Variants in ZNF761 observed in about 807,000 individuals in gnomAD.
ZNF761 encodes zinc finger protein 761.
Under a neutral mutation model 59.9 loss-of-function variants are expected in ZNF761, and 43 were observed. The observed-to-expected ratio is 0.72, with a 90% CI of 0.56 to 0.92. ZNF761 has a LOEUF of 0.92. Ranked by LOEUF, ZNF761 falls within the 40% of genes least tolerant of loss-of-function variation. ZNF761 has a pLI of 0.00. For synonymous variants in ZNF761, 294 were observed against 304.8 expected, an observed-to-expected ratio of 0.96 and a Z score of 0.37; for missense variants, 850 against 906.1, an observed-to-expected ratio of 0.94 and a Z score of 0.79.
intron 3 of ZNF761, among the ~76,000 whole-genome samples, chr19:53,448,909 A>G (rs939214400): frequency 7.9e-5 from 12 of 151,870 alleles, no homozygotes; most frequent in African/African-American, 2.9e-4. Context: ...TGTAGCTGGG[A>G]TAACAGGCAT....
chr19:53,441,906 A>G lies in ZNF761; in HGVS notation c.-184-4321A>G, dbSNP rs141373713. On this transcript the variant is annotated intron_variant, in intron 1 of 4. Transcript: ENST00000684525. ...ATCGAGGCAGTGAAGCGCAAGATCC[A>G]GGTTCTGCAGCACCAGGCAGATGAT... The G allele has an allele frequency of 5.0e-3, 7,880 of 1,570,444 alleles. 370 individuals carry two copies. In the African/African-American group the frequency reaches 0.094, roughly 19 times the overall value.
At chr19:53,447,916 C>T (rs1230933971) in intron 3 of ZNF761, among the ~76,000 whole-genome samples, 8 of 152,194 alleles carry the variant, frequency 5.3e-5, no homozygotes, top group Admixed American at 2.0e-4. Context: ...ACATTACGCT[C>T]ATGGAGACTG....
chr19:53,436,228 A>G (rs1345421047), intron 1 of ZNF761, among the ~76,000 whole-genome samples: 1 of 152,210 alleles, frequency 6.6e-6, no homozygotes, highest in African/African-American at 2.4e-5. Context: ...GGCCCATCCT[A>G]TATGAGTCCT....
chr19:53,433,820 T>C (rs2708784), intron 1 of ZNF761, among the ~76,000 whole-genome samples: 1 of 152,052 alleles, frequency 6.6e-6, no homozygotes, highest in Non-Finnish European at 1.5e-5. Context: ...GTTTTGAATC[T>C]ACTGAAGGAG....
intron 1 of ZNF761, 149 bp downstream of exon 1, chr19:53,432,177 G>A (rs1411669581): frequency 2.0e-5 from 3 of 152,406 alleles, no homozygotes; most frequent in African/African-American, 2.4e-5. Flanking sequence ...GAGGCCGTGG[G>A]TCGGTTCCTT....
chr19:53,449,031 G>A (rs1196371453), intron 3 of ZNF761, among the ~76,000 whole-genome samples: 2 of 152,262 alleles, frequency 1.3e-5, no homozygotes, highest in East Asian at 1.9e-4. Flanking sequence ...GTCACTTGCT[G>A]TGTCAATAAA....
chr19:53,454,790 C>G lies in ZNF761; in HGVS notation c.283C>G (p.His95Asp), dbSNP rs1440702548. Residue 95 changes from histidine (H) to aspartate (D), a missense_variant, in exon 5 of 5, where the codon CAT (histidine) becomes GAT (aspartate). By Grantham distance (81) the His-to-Asp change is moderately conservative (BLOSUM62 -1). Transcript: ENST00000684525. ...CTACCAGGATGTTGATAAAGATATTCATGACTATGAATTTCAATGGCAAGA... is the reference window on the plus strand; with the variant it reads ...CTACCAGGATGTTGATAAAGATATTGATGACTATGAATTTCAATGGCAAGA... ...FCYQDVDKDI[H>D]DYEFQWQEDE... The G allele has an allele frequency of 6.2e-7, 1 of 1,614,038 alleles. No individual in the cohort carries two copies. The highest frequency in any genetic ancestry group is 1.3e-5 in the African/African-American group (1 of 74,994).
In ZNF761 at chr19:53,449,500, T is replaced by C; in HGVS notation, c.16-12T>C. The C allele has an allele frequency of 1.2e-6, 2 of 1,614,004 alleles. No individual in the cohort carries two copies. Among genetic ancestry groups the C allele is most frequent in the Non-Finnish European group, 8.5e-7 (1 of 1,180,006 alleles). The stretch of plus-strand genomic sequence containing the variant: ...CTCATAACCATTTGGTTAAAATGTG[T>C]TTTCATTTCAGGGTCTATTGACATT... On this transcript the variant is annotated splice_polypyrimidine_tract_variant and intron_variant, in intron 3 of 4. Transcript: ENST00000684525.
chr19:53,455,040 A>G lies in ZNF761; in HGVS notation c.533A>G (p.Gln178Arg), dbSNP rs2086253254. Residue 178 changes from glutamine to arginine, a missense_variant, in exon 5 of 5, where the codon CAA becomes CGA. Gln to Arg is a conservative substitution (Grantham distance 43). Coordinates refer to ENST00000684525, the MANE Select transcript of ZNF761 (RefSeq NM_001289951.2). ...GATGCTTCCTTGGTTTCAACAGCCC[A>G]AAGAATTTCTTGTAGGCCCAAAACC... ...VHDASLVSTA[Q>R]RISCRPKTHI... 2 of 1,614,176 alleles carry G rather than the reference A, an allele frequency of 1.2e-6. No individual in the cohort carries two copies. The highest frequency in any genetic ancestry group is 1.7e-6 in the Non-Finnish European group (2 of 1,180,024).
rs1600092505 is a variant in ZNF761, at chr19:53,447,267, G to A, written c.-2G>A. ...AGGAAGAGGAGAGCAAAGGAGTCAG[G>A]GATGGCTTTTTCTCAGGTGAGATGA... On this transcript the variant is annotated 5_prime_UTR_variant, in exon 3 of 5. Transcript: ENST00000684525. The A allele has an allele frequency of 8.7e-6, 14 of 1,613,020 alleles. No individual in the cohort carries two copies. In the East Asian group the frequency reaches 2.9e-4, roughly 33 times the overall value.
rs1009201360 is a variant in ZNF761, at chr19:53,457,941, A to G, written c.*1193A>G. ...CAATATTAATTTTTCCAAGCTATCAATATGGGTTGTAGCTCAATGTTTTTA... is the reference window on the plus strand; with the variant it reads ...CAATATTAATTTTTCCAAGCTATCAGTATGGGTTGTAGCTCAATGTTTTTA... On this transcript the variant is annotated 3_prime_UTR_variant, in exon 5 of 5. Transcript: ENST00000684525. 6.6e-6 allele frequency: 1 copy of G among 152,528 alleles called. No homozygotes were observed. The highest frequency in any genetic ancestry group is 6.5e-5 in the Admixed American group (1 of 15,288). The allele number at this position is 152,528 out of a possible 1,614,324, so 9.4% of individuals were successfully genotyped here. A position where few individuals can be genotyped will look rare whatever the true frequency, so the allele number is the denominator to read the frequency against.
Position 53,457,309 on chromosome 19 carries a change from G to A in ZNF761, c.*561G>A, listed in dbSNP as rs779045694. 7 of 385,604 alleles carry A rather than the reference G, an allele frequency of 1.8e-5. No individual in the cohort carries two copies. Among genetic ancestry groups the A allele is most frequent in the Admixed American group, 3.4e-5 (1 of 29,664 alleles). The allele number at this position is 385,604 out of a possible 1,614,324, so 23.9% of individuals were successfully genotyped here. A position where few individuals can be genotyped will look rare whatever the true frequency, so the allele number is the denominator to read the frequency against. ...CTTGCAGTTCATCGGTGAACTCAAC[G>A]CTGGAGAGAAACCTTACAAATGTCA... On this transcript the variant is annotated 3_prime_UTR_variant, in exon 5 of 5. Coordinates refer to ENST00000684525, the MANE Select transcript of ZNF761 (RefSeq NM_001289951.2).
chr19:53,454,675 G>C lies in ZNF761; in HGVS notation c.168G>C (p.Lys56Asn). The C allele has an allele frequency of 6.2e-7, 1 of 1,602,572 alleles. No individual in the cohort carries two copies. The change falls in exon 5 of 5, where the codon AAG becomes AAC. Residue 56 changes from lysine to asparagine, a missense_variant. Coordinates refer to ENST00000684525, the MANE Select transcript of ZNF761 (RefSeq NM_001289951.2). ...SLDISSKCTM[K>N]EFLSTAQGNR... is the part of the protein sequence containing the mutation. Reference sequence around the variant, plus strand: ...ATATCTCTTCCAAATGCACGATGAAGGAGTTCTTGTCAACAGCGCAAGGCA... The same window carrying C: ...ATATCTCTTCCAAATGCACGATGAACGAGTTCTTGTCAACAGCGCAAGGCA...
At position 53,454,757 on chromosome 19, in the gene ZNF761, G is replaced by T. The variant is rs749493648; in HGVS notation, c.250G>T (p.Asp84Tyr). Residue 84 changes from aspartate to tyrosine, a missense_variant, in exon 5 of 5, where the codon GAT (aspartate) becomes TAT (tyrosine). By Grantham distance (160) the Asp-to-Tyr change is radical. Transcript: ENST00000684525. ...AATACATGAAAGTCATCACAATGGA[G>T]ATTTTTGCTACCAGGATGTTGATAA... ...LQIHESHHNG[D>Y]FCYQDVDKDI... 6.2e-7 allele frequency: 1 copy of T among 1,614,092 alleles called. No individual in the cohort carries two copies. The highest frequency in any genetic ancestry group is 8.5e-7 in the Non-Finnish European group (1 of 1,180,014).
At chr19:53,436,325 T>C (rs1226536136) in intron 1 of ZNF761, among the ~76,000 whole-genome samples, 1 of 152,236 alleles carries the variant, frequency 6.6e-6, no homozygotes, top group African/African-American at 2.4e-5. Flanking sequence ...TAGGCATTCT[T>C]TCTTGTATTC....
intron 1 of ZNF761, chr19:53,441,751 A>G: frequency 8.9e-6 from 7 of 786,770 alleles, no homozygotes; most frequent in Admixed American, 2.1e-5. Flanking sequence ...CCCGGCTGAG[A>G]TAAATCTTAG....
intron 1 of ZNF761, among the ~76,000 whole-genome samples, chr19:53,433,085 A>G (rs904093761): frequency 6.8e-6 from 1 of 147,962 alleles, no homozygotes; most frequent in Non-Finnish European, 1.5e-5. Flanking sequence ...CGGGGAGAGC[A>G]AAGGAGGCGC....
intron 1 of ZNF761, among the ~76,000 whole-genome samples, chr19:53,437,521 TG>T (rs758343088): frequency 1.3e-5 from 2 of 152,128 alleles, no homozygotes; most frequent in Non-Finnish European, 2.9e-5. Context: ...GAGTATAACT[TG>T]GGTCGTCTTG....
Position 53,455,687 on chromosome 19 carries a change from A to G in ZNF761, c.1180A>G (p.Lys394Glu). Residue 394 changes from lysine to glutamate, a missense_variant, in exon 5 of 5, where the codon AAG becomes GAG. By Grantham distance (56) the Lys-to-Glu change is moderately conservative. Coordinates refer to ENST00000684525, the MANE Select transcript of ZNF761 (RefSeq NM_001289951.2). ...TGAGTGTGGCAAGACCTTTAGTCACAAGTCATCCCTTACATGCCATCGTAG... is the reference window on the plus strand; with the variant it reads ...TGAGTGTGGCAAGACCTTTAGTCACGAGTCATCCCTTACATGCCATCGTAG... ...CNECGKTFSHKSSLTCHRRLH... is the reference protein window; with the variant it reads ...CNECGKTFSHESSLTCHRRLH... 1.2e-6 allele frequency: 2 copies of G among 1,613,746 alleles called. No individual in the cohort carries two copies. The highest frequency in any genetic ancestry group is 1.1e-5 in the South Asian group (1 of 91,054).
Sources: gnomAD v4.1 joint callset for allele counts (sites outside exome capture counted in the v4.1 genomes callset) on GRCh38, gnomAD v4.1.1 for gene constraint, MANE v1.5 for transcripts, NCBI Gene and HGNC (gene_info 2026-07-23, HGNC 2026-07-21) for gene names.